Variants in RPS6KC1 observed in about 807,000 individuals in gnomAD.
RPS6KC1 encodes the protein ribosomal protein S6 kinase C1.
Under a neutral mutation model 103.8 loss-of-function variants are expected in RPS6KC1, and 54 were observed. That is an observed-to-expected ratio of 0.52 (90% CI 0.42 to 0.65). The LOEUF (loss-of-function observed/expected upper bound fraction) is 0.65, where lower values mean the gene tolerates loss of function less well. RPS6KC1 is among the 30% of genes least tolerant of loss of function. The pLI is 0.00. For synonymous variants in RPS6KC1, 439 were observed against 438.7 expected (o/e 1.00, Z -0.01); for missense variants, 1,151 against 1,253.8 (o/e 0.92, Z 1.24).
chr1:213,795,339 G>T, the RPS6KC1 span, among the ~76,000 whole-genome samples: 1 of 152,130 alleles, frequency 6.6e-6, no homozygotes, highest in Non-Finnish European at 1.5e-5. Context: ...AGAGTTCAGG[G>T]TGTGAATCCA....
chr1:213,179,577 A>G (rs1364253298), intron 8 of RPS6KC1, among the ~76,000 whole-genome samples: 2 of 152,324 alleles, frequency 1.3e-5, no homozygotes, highest in East Asian at 1.9e-4. Context: ...AGGTTAGAAA[A>G]TAGCCAGGAT....
chr1:213,460,219 T>G, the RPS6KC1 span, among the ~76,000 whole-genome samples: 7 of 152,190 alleles, frequency 4.6e-5, no homozygotes, highest in Admixed American at 3.3e-4. Flanking sequence ...AGTCAGTCTC[T>G]TTGTAGGTCT....
At chr1:213,124,765 A>G in intron 5 of RPS6KC1, among the ~76,000 whole-genome samples, 1 of 152,140 alleles carries the variant, frequency 6.6e-6, no homozygotes, top group Admixed American at 6.6e-5. Flanking sequence ...TATGGAAGAG[A>G]AAGATATCAG....
the RPS6KC1 span, among the ~76,000 whole-genome samples, chr1:213,799,749 G>A: frequency 6.6e-6 from 1 of 152,314 alleles, no homozygotes; most frequent in African/African-American, 2.4e-5. Context: ...ACAGAGCCAG[G>A]GGTAGGTAAG....
At chr1:213,553,160 T>G in the RPS6KC1 span, among the ~76,000 whole-genome samples, 2 of 152,142 alleles carry the variant, frequency 1.3e-5, no homozygotes, top group Non-Finnish European at 2.9e-5. Context: ...CATTCTCTTC[T>G]CATCCTCTCC....
chr1:213,196,352 A>G (rs551754677), intron 8 of RPS6KC1, among the ~76,000 whole-genome samples: 14 of 151,650 alleles, frequency 9.2e-5, no homozygotes, highest in Admixed American at 2.6e-4. Context: ...TTGCTGATTT[A>G]TTTGACTTCC....
chr1:213,759,768 C>A, the RPS6KC1 span, among the ~76,000 whole-genome samples: 1 of 152,322 alleles, frequency 6.6e-6, no homozygotes, highest in African/African-American at 2.4e-5. Context: ...CAGGGATTTC[C>A]CCTAAGGTAC....
chr1:213,708,090 A>G, the RPS6KC1 span, among the ~76,000 whole-genome samples: 1 of 152,236 alleles, frequency 6.6e-6, no homozygotes, highest in Non-Finnish European at 1.5e-5. Flanking sequence ...AGTCAATGGT[A>G]GCTTGATAGG....
At chr1:213,723,128 C>T in the RPS6KC1 span, among the ~76,000 whole-genome samples, 14 of 152,094 alleles carry the variant, frequency 9.2e-5, no homozygotes, top group South Asian at 2.1e-4. Flanking sequence ...TGCAGTGAGC[C>T]GAGATCCCGC....
chr1:213,460,303 G>C, the RPS6KC1 span, among the ~76,000 whole-genome samples: 1 of 151,598 alleles, frequency 6.6e-6, no homozygotes, highest in African/African-American at 2.4e-5. Context: ...AGCTCTTCTT[G>C]TTGCATTGAT....
the RPS6KC1 span, among the ~76,000 whole-genome samples, chr1:213,749,450 G>A: frequency 6.6e-6 from 1 of 152,132 alleles, no homozygotes; most frequent in African/African-American, 2.4e-5. Context: ...GGAGGGAATG[G>A]TAGCCAAAGA....
chr1:213,628,727 T>A, the RPS6KC1 span, among the ~76,000 whole-genome samples: 1 of 152,218 alleles, frequency 6.6e-6, no homozygotes, highest in Non-Finnish European at 1.5e-5. Flanking sequence ...TTTAGTGCTA[T>A]AAATTTCCCT....
chr1:213,154,446 C>T (rs1383300389), intron 6 of RPS6KC1, among the ~76,000 whole-genome samples: 1 of 152,216 alleles, frequency 6.6e-6, no homozygotes, highest in Non-Finnish European at 1.5e-5. Flanking sequence ...TTGTATTGCA[C>T]TGTTGGGGCA....
the RPS6KC1 span, among the ~76,000 whole-genome samples, chr1:213,598,744 C>T: frequency 8.5e-5 from 13 of 152,098 alleles, no homozygotes; most frequent in Non-Finnish European, 1.9e-4. Context: ...ATGATGAAAC[C>T]CCGTCTCTAC....
At chr1:213,311,912 TCCCA>T in the RPS6KC1 span, among the ~76,000 whole-genome samples, 1 of 146,898 alleles carries the variant, frequency 6.8e-6, no homozygotes, top group Non-Finnish European at 1.5e-5. Flanking sequence ...TTTTTTTTTT[TCCCA>T]AGATGGAGTC....
chr1:213,591,176 AC>A, the RPS6KC1 span, among the ~76,000 whole-genome samples: 1 of 152,148 alleles, frequency 6.6e-6, no homozygotes, highest in African/African-American at 2.4e-5. Context: ...GTGAGAAAGA[AC>A]CGAGAGATGC....
the RPS6KC1 span, among the ~76,000 whole-genome samples, chr1:213,631,349 G>T: frequency 1.4e-5 from 2 of 144,416 alleles, no homozygotes; most frequent in African/African-American, 5.2e-5. Flanking sequence ...GGCCATCTTG[G>T]CTCCACCAAT....
the RPS6KC1 span, among the ~76,000 whole-genome samples, chr1:213,357,213 G>C: frequency 2.6e-5 from 4 of 152,104 alleles, no homozygotes; most frequent in South Asian, 8.3e-4. Flanking sequence ...TGATTGTTAG[G>C]CAACGACTCC....
chr1:213,464,132 A>G, the RPS6KC1 span, among the ~76,000 whole-genome samples: 1 of 152,200 alleles, frequency 6.6e-6, no homozygotes, highest in African/African-American at 2.4e-5. Context: ...GCTCACATGT[A>G]GTATTGGCTG....
Sources: allele counts gnomAD v4.1 joint callset (sites outside exome capture counted in the v4.1 genomes callset), GRCh38; gene constraint gnomAD v4.1.1; transcripts MANE v1.5; gene names NCBI Gene and HGNC (gene_info 2026-07-23, HGNC 2026-07-21).